PCDH11X: variants seen among roughly 807,000 people sequenced by gnomAD.
PCDH11X encodes the protein protocadherin 11 X-linked, also known as protocadherin-11 X-linked.
A neutral mutation model predicts 53.3 loss-of-function variants in PCDH11X; 18 were observed. That is an observed-to-expected ratio of 0.34 (90% confidence interval 0.23 to 0.50). The LOEUF (loss-of-function observed/expected upper bound fraction) is 0.50. PCDH11X is among the 20% of genes least tolerant of loss of function. The probability of loss-of-function intolerance (pLI) is 0.98; values close to 1 mark genes in which losing one functional copy is unlikely to be tolerated. For missense variants in PCDH11X, 570 were observed against 1,032.4 expected (o/e 0.55, Z 6.14); for synonymous variants, 279 against 393.3 (o/e 0.71, Z 3.44).
At chrX:92,006,211 C>T (rs1053381723) in intron 6 of PCDH11X, among the ~76,000 whole-genome samples, 1 of 110,475 alleles carries the variant, frequency 9.1e-6, no homozygotes, top group African/African-American at 3.3e-5. Flanking sequence ...CTATCTCTTT[C>T]TCTACTTCCT....
At chrX:92,586,984 T>C (rs1438440238) in intron 10 of PCDH11X, among the ~76,000 whole-genome samples, 3 of 104,935 alleles carry the variant, frequency 2.9e-5, no homozygotes, top group Non-Finnish European at 3.9e-5. Context: ...AGCCTTTTTT[T>C]TTTTTTTTTT....
intron 10 of PCDH11X, among the ~76,000 whole-genome samples, chrX:92,470,015 A>G (rs1360740710): frequency 9.2e-6 from 1 of 108,460 alleles, no homozygotes; most frequent in Non-Finnish European, 1.9e-5. Flanking sequence ...TCTTAACAAT[A>G]TTTATTTTTC....
intron 1 of PCDH11X, among the ~76,000 whole-genome samples, chrX:91,802,354 C>T (rs1057395619): frequency 8.9e-6 from 1 of 112,187 alleles, no homozygotes; most frequent in African/African-American, 3.2e-5. Context: ...GACTAAAATA[C>T]ACCTTTTTGG....
At chrX:92,258,052 T>C (rs777268121) in intron 7 of PCDH11X, among the ~76,000 whole-genome samples, 14 of 112,032 alleles carry the variant, frequency 1.2e-4, no homozygotes, top group Non-Finnish European at 2.4e-4. Flanking sequence ...AAGTCTCAAC[T>C]TTTGCACTCA....
chrX:92,561,594 A>G (rs1602335760), intron 10 of PCDH11X, among the ~76,000 whole-genome samples: 1 of 107,093 alleles, frequency 9.3e-6, no homozygotes, highest in South Asian at 4.4e-4. Context: ...GCTATAAAAA[A>G]TACAAAGTCA....
chrX:92,159,003 C>G (rs1256081758), intron 6 of PCDH11X, among the ~76,000 whole-genome samples: 2 of 111,792 alleles, frequency 1.8e-5, no homozygotes, highest in Non-Finnish European at 3.8e-5. Flanking sequence ...TGCACTGACT[C>G]TAAGATTTTA....
chrX:92,013,548 G>C (rs187391571), intron 6 of PCDH11X, among the ~76,000 whole-genome samples: 3 of 111,288 alleles, frequency 2.7e-5, no homozygotes, highest in Non-Finnish European at 1.9e-5. Flanking sequence ...AGTTCATTTG[G>C]AACCAAAAAA....
At chrX:92,187,726 A>G (rs1717357912) in intron 6 of PCDH11X, among the ~76,000 whole-genome samples, 1 of 112,265 alleles carries the variant, frequency 8.9e-6, no homozygotes, top group Admixed American at 9.5e-5. Context: ...AATTTGATTT[A>G]GAGCATTACC....
intron 6 of PCDH11X, among the ~76,000 whole-genome samples, chrX:91,905,012 T>C (rs1478736479): frequency 5.5e-5 from 6 of 110,024 alleles, no homozygotes; most frequent in Admixed American, 9.8e-5. Context: ...GTGCTATTTA[T>C]TGTTTATAAT....
intron 6 of PCDH11X, among the ~76,000 whole-genome samples, chrX:91,965,037 G>T (rs2563088): frequency 3.6e-5 from 4 of 109,607 alleles, no homozygotes; most frequent in African/African-American, 1.4e-4. Flanking sequence ...TTAACAATGC[G>T]TGAAAAAAGG....
At chrX:92,582,487 G>C (rs1466088820) in intron 10 of PCDH11X, among the ~76,000 whole-genome samples, 1 of 109,273 alleles carries the variant, frequency 9.2e-6, no homozygotes, top group Non-Finnish European at 1.9e-5. Context: ...AAGAATTGAG[G>C]TTTTGGAACC....
intron 10 of PCDH11X, among the ~76,000 whole-genome samples, chrX:92,509,974 G>A (rs1603351965): frequency 9.1e-6 from 1 of 110,113 alleles, no homozygotes. Flanking sequence ...TAAACAATTG[G>A]AGTGAGAATC....
At chrX:91,917,114 G>A (rs947476020) in intron 6 of PCDH11X, among the ~76,000 whole-genome samples, 1 of 110,811 alleles carries the variant, frequency 9.0e-6, no homozygotes, top group Non-Finnish European at 1.9e-5. Flanking sequence ...TCCAGCATCC[G>A]CTTATGATTA....
intron 6 of PCDH11X, among the ~76,000 whole-genome samples, chrX:92,072,857 A>G (rs1452092012): frequency 2.7e-5 from 3 of 110,765 alleles, no homozygotes; most frequent in Non-Finnish European, 5.7e-5. Flanking sequence ...AGCCTAGCAC[A>G]GGGAGTTCCC....
chrX:91,940,352 A>G (rs2147854439), intron 6 of PCDH11X, among the ~76,000 whole-genome samples: 1 of 111,438 alleles, frequency 9.0e-6, no homozygotes, highest in South Asian at 3.7e-4. Flanking sequence ...GCCTTAACAC[A>G]CTGTATTATA....
chrX:91,945,189 C>T (rs186287271), intron 6 of PCDH11X, among the ~76,000 whole-genome samples: 50 of 103,923 alleles, frequency 4.8e-4, no homozygotes, highest in African/African-American at 1.5e-3. Context: ...AAATATTATT[C>T]GGGTATGAGA....
At chrX:92,464,238 G>C (rs1414919626) in intron 9 of PCDH11X, among the ~76,000 whole-genome samples, 2 of 110,930 alleles carry the variant, frequency 1.8e-5, no homozygotes, top group African/African-American at 6.6e-5. Context: ...TTCTCTGTTT[G>C]TAGCTCATAT....
Position 91,995,299 on chromosome X carries a change from G to A in PCDH11X, c.3033+116026G>A, listed in dbSNP as rs756184275. 2.0e-3 allele frequency among the ~76,000 whole-genome samples: 224 copies of A among 109,881 alleles called. 1 individual carries two copies. Among genetic ancestry groups the A allele is most frequent in the African/African-American group, 6.6e-3 (201 of 30,274 alleles). On this transcript the variant is annotated intron_variant, in intron 6 of 10. Transcript: ENST00000682573. ...GGAGCTTTCCTCTGTTTTCTTCTAG[G>A]AATTTTACAGTTTTATGAGTTATAT...
intron 6 of PCDH11X, among the ~76,000 whole-genome samples, chrX:92,132,701 A>ATATG (rs2065017008): frequency 6.2e-5 from 6 of 96,357 alleles, no homozygotes; most frequent in African/African-American, 2.3e-4. Context: ...ATATATATAT[A>ATATG]TATATGTATA....
Sources: gnomAD v4.1 joint callset for allele counts (sites outside exome capture counted in the v4.1 genomes callset) on GRCh38, gnomAD v4.1.1 for gene constraint, MANE v1.5 for transcripts, NCBI Gene and HGNC (gene_info 2026-07-23, HGNC 2026-07-21) for gene names.